The following GAB3 variants were observed in gnomAD, a reference collection of about 807,000 sequenced individuals.
GAB3 encodes the protein GRB2 associated binding protein 3.
A neutral mutation model predicts 40.4 loss-of-function variants in GAB3; 12 were observed. The observed-to-expected ratio is 0.30, with a 90% CI of 0.19 to 0.48. The LOEUF (loss-of-function observed/expected upper bound fraction) is 0.48, where lower values mean the gene tolerates loss of function less well. Ranked by LOEUF, GAB3 falls within the 20% of genes least tolerant of loss-of-function variation. The probability of loss-of-function intolerance (pLI) is 0.99; values close to 1 mark genes in which losing one functional copy is unlikely to be tolerated. For missense variants in GAB3, 381 were observed against 461.9 expected (o/e 0.82, Z 1.61); for synonymous variants, 154 against 176.7 (o/e 0.87, Z 1.02).
chrX:154,714,689 T>C (rs2071018515), intron 2 of GAB3, among the ~76,000 whole-genome samples: 1 of 112,059 alleles, frequency 8.9e-6, no homozygotes, highest in South Asian at 3.7e-4. Context: ...TCTTGGGTTA[T>C]TGGGAAACAT....
At chrX:154,714,425 C>T (rs1385570372) in intron 2 of GAB3, among the ~76,000 whole-genome samples, 1 of 112,134 alleles carries the variant, frequency 8.9e-6, no homozygotes. Context: ...AGATCCTGGC[C>T]AGGGTACACA....
At chrX:154,723,358 A>G (rs782760900) in intron 1 of GAB3, among the ~76,000 whole-genome samples, 1 of 112,069 alleles carries the variant, frequency 8.9e-6, no homozygotes, top group Non-Finnish European at 1.9e-5. Flanking sequence ...GAGGAAGGAA[A>G]GCAGAGGTTT....
rs1014128431 is a variant in GAB3 at position 154,678,022 on chromosome X, G to T, written c.*156C>A. The T allele has an allele frequency of 3.8e-5, 15 of 397,820 alleles. No individual in the cohort carries two copies. The highest frequency in any genetic ancestry group is 6.6e-5 in the Non-Finnish European group (15 of 228,519). The allele number at this position is 397,820 out of a possible 1,213,427, so 32.8% of individuals were successfully genotyped here. On this transcript the variant is annotated 3_prime_UTR_variant, in exon 10 of 10. Coordinates refer to ENST00000424127, the MANE Select transcript of GAB3 (RefSeq NM_001081573.3). ...TATAAACAGGTCTTCTTTCCTAAAG[G>T]TTCTGGCCAAGACCTTGAAAACTAC... is the stretch of plus-strand genomic sequence containing the variant.
intron 4 of GAB3, among the ~76,000 whole-genome samples, chrX:154,700,721 T>C (rs1329040182): frequency 9.0e-6 from 1 of 110,893 alleles, no homozygotes; most frequent in Non-Finnish European, 1.9e-5. Context: ...CTTGGGGGTA[T>C]GGTGCCATGA....
chrX:154,688,084 C>G (rs2070486322), intron 8 of GAB3, among the ~76,000 whole-genome samples: 1 of 111,842 alleles, frequency 8.9e-6, no homozygotes, highest in Non-Finnish European at 1.9e-5. Context: ...GGAGAAAATT[C>G]TAATGAACTA....
intron 4 of GAB3, among the ~76,000 whole-genome samples, chrX:154,711,328 T>C (rs888212373): frequency 9.0e-6 from 1 of 111,511 alleles, no homozygotes; most frequent in Non-Finnish European, 1.9e-5. Flanking sequence ...TACAGACTGA[T>C]GTAAGAAAGA....
intron 8 of GAB3, among the ~76,000 whole-genome samples, chrX:154,692,306 TAACTC>T: frequency 8.9e-6 from 1 of 111,754 alleles, no homozygotes; most frequent in East Asian, 2.8e-4. Flanking sequence ...AAAATTCCTA[TAACTC>T]AACAACAAAA....
chrX:154,740,722 C>T (rs1402815009), intron 1 of GAB3, among the ~76,000 whole-genome samples: 1 of 111,785 alleles, frequency 8.9e-6, no homozygotes, highest in African/African-American at 3.3e-5. Flanking sequence ...GTATAGCCAA[C>T]CCAGGTCCCT....
At chrX:154,720,819 T>C (rs1299702067) in intron 1 of GAB3, among the ~76,000 whole-genome samples, 1 of 111,344 alleles carries the variant, frequency 9.0e-6, no homozygotes, top group Non-Finnish European at 1.9e-5. Context: ...TGATCAGTAA[T>C]GGAAAAACAA....
intron 8 of GAB3, among the ~76,000 whole-genome samples, chrX:154,683,937 C>CT (rs1377622740): frequency 2.7e-5 from 3 of 111,502 alleles, no homozygotes; most frequent in Non-Finnish European, 5.7e-5. Flanking sequence ...CACTTTATTT[C>CT]TTTTTGTGGC....
At chrX:154,744,934 A>C (rs782526249) in intron 1 of GAB3, among the ~76,000 whole-genome samples, 1 of 112,701 alleles carries the variant, frequency 8.9e-6, no homozygotes, top group South Asian at 3.6e-4. Flanking sequence ...AAACCCTTGG[A>C]TCAAAGAGGA....
chrX:154,687,114 C>T lies in GAB3; in HGVS notation c.1531-6866G>A, dbSNP rs1396034628. ...GGCTAAGACATGACAATCACTTGAACCCGAGAAGGGGAGGTTGCAGTGAGT... is the reference window on the plus strand; with the variant it reads ...GGCTAAGACATGACAATCACTTGAATCCGAGAAGGGGAGGTTGCAGTGAGT... On this transcript the variant is annotated intron_variant, in intron 8 of 9. Coordinates refer to ENST00000424127, the MANE Select transcript of GAB3 (RefSeq NM_001081573.3). 6.3e-5 allele frequency among the ~76,000 whole-genome samples: 7 copies of T among 110,385 alleles called. No individual in the cohort carries two copies. The South Asian group carries it at 1.2e-3, about 19-fold the overall frequency.
At chrX:154,715,428 C>CAGAG (rs202010747) in intron 2 of GAB3, among the ~76,000 whole-genome samples, 2,005 of 102,526 alleles carry the variant, frequency 0.02, 27 homozygotes, top group Middle Eastern at 0.055. Context: ...GTGCGTGTGG[C>CAGAG]AGAGAGAGAG....
intron 4 of GAB3, among the ~76,000 whole-genome samples, chrX:154,711,131 C>T (rs1292493280): frequency 1.8e-5 from 2 of 111,982 alleles, no homozygotes; most frequent in African/African-American, 6.5e-5. Flanking sequence ...GAGATTCGTA[C>T]AATTTGAAAA....
At chrX:154,738,071 G>T (rs1256818824) in intron 1 of GAB3, among the ~76,000 whole-genome samples, 2 of 112,620 alleles carry the variant, frequency 1.8e-5, no homozygotes, top group Non-Finnish European at 3.8e-5. Context: ...CCTGTTCCTG[G>T]GCTTAAGCAA....
chrX:154,709,532 C>T (rs1356085097), intron 4 of GAB3, among the ~76,000 whole-genome samples: 2 of 109,165 alleles, frequency 1.8e-5, no homozygotes, highest in African/African-American at 6.7e-5. Flanking sequence ...ATTGGCCAGG[C>T]TGGTCTTGAA....
At chrX:154,726,338 A>C (rs1262458579) in intron 1 of GAB3, among the ~76,000 whole-genome samples, 1 of 111,863 alleles carries the variant, frequency 8.9e-6, no homozygotes, top group Admixed American at 9.4e-5. Flanking sequence ...AGAAGTGATC[A>C]TCAAACCTGA....
rs1219711696 is a variant in GAB3, at chrX:154,713,377, G to A, written c.426C>T (p.Ser142=). 2 of 1,209,987 alleles carry A rather than the reference G, an allele frequency of 1.7e-6. No individual in the cohort carries two copies. The highest frequency in any genetic ancestry group is 2.2e-6 in the Non-Finnish European group (2 of 895,178). Residue 142 remains serine, a synonymous_variant, in exon 3 of 10, where the codon TCC becomes TCT. Coordinates refer to ENST00000424127, the MANE Select transcript of GAB3 (RefSeq NM_001081573.3). The part of the protein sequence containing the change: ...LSYTPSSLQP[S]SASSLLTAHA... ...GGGCGGTAAGAAGGGAGCTGGCAGAGGATGGCTGCAGGGAGGAGGGCGTGT... is the reference window on the plus strand; with the variant it reads ...GGGCGGTAAGAAGGGAGCTGGCAGAAGATGGCTGCAGGGAGGAGGGCGTGT...
intron 1 of GAB3, among the ~76,000 whole-genome samples, chrX:154,722,287 G>A (rs1447200842): frequency 9.0e-6 from 1 of 110,935 alleles, no homozygotes; most frequent in Non-Finnish European, 1.9e-5. Context: ...TGGTTACCAG[G>A]GACAAGATGG....
Sources: gnomAD v4.1 joint callset for allele counts (sites outside exome capture counted in the v4.1 genomes callset) on GRCh38, gnomAD v4.1.1 for gene constraint, MANE v1.5 for transcripts, NCBI Gene and HGNC (gene_info 2026-07-23, HGNC 2026-07-21) for gene names.